Variants in SUMF1 observed in about 807,000 individuals in gnomAD.
SUMF1 encodes sulfatase modifying factor 1, also known as formylglycine-generating enzyme.
SUMF1 carries 48 observed loss-of-function variants against 47.6 expected under a neutral mutation model. That is an observed-to-expected ratio of 1.01 (90% CI 0.80 to 1.28). SUMF1 has a LOEUF of 1.28. Among genes scored for constraint, SUMF1 ranks in the 50% most tolerant of loss-of-function variants. The pLI is 0.00. For missense variants in SUMF1, 571 were observed against 485.4 expected (o/e 1.18, Z -1.66); for synonymous variants, 230 against 192.1 (o/e 1.20, Z -1.63).
At chr3:4,376,212 G>GCCCAC in intron 8 of SUMF1, 118 bp downstream of exon 8, 1 of 1,236,902 alleles carries the variant, frequency 8.1e-7, no homozygotes, top group Admixed American at 1.7e-5. Flanking sequence ...TCTGGTTTCA[G>GCCCAC]TGGGGTTAGG....
chr3:4,442,422 A>T (rs1315830298), intron 3 of SUMF1, among the ~76,000 whole-genome samples: 1 of 148,906 alleles, frequency 6.7e-6, no homozygotes, highest in Admixed American at 6.7e-5. Context: ...CGCCCGGCTA[A>T]TTTTTTTTTT....
At chr3:4,375,381 G>A (rs1397667388) in intron 8 of SUMF1, among the ~76,000 whole-genome samples, 2 of 152,064 alleles carry the variant, frequency 1.3e-5, no homozygotes, top group African/African-American at 4.8e-5. Flanking sequence ...ATCACCTGGA[G>A]AGCTTTAAAA....
At chr3:4,269,402 A>G (rs1257600913) in intron 8 of SUMF1, among the ~76,000 whole-genome samples, 1 of 152,242 alleles carries the variant, frequency 6.6e-6, no homozygotes, top group Non-Finnish European at 1.5e-5. Flanking sequence ...CAAACTTACC[A>G]AAGGCCTATA....
chr3:4,071,719 C>T (rs1370967367), intron 8 of SUMF1, among the ~76,000 whole-genome samples: 1 of 152,216 alleles, frequency 6.6e-6, no homozygotes, highest in Non-Finnish European at 1.5e-5. Flanking sequence ...CCCACCACAG[C>T]TCAGCAAGGC....
At chr3:4,386,447 G>C (rs1700676091) in intron 7 of SUMF1, among the ~76,000 whole-genome samples, 1 of 152,024 alleles carries the variant, frequency 6.6e-6, no homozygotes, top group African/African-American at 2.4e-5. Flanking sequence ...TGTTCATCTT[G>C]TGTCTTATAA....
intron 8 of SUMF1, among the ~76,000 whole-genome samples, chr3:4,294,948 C>G (rs976257341): frequency 6.6e-6 from 1 of 152,138 alleles, no homozygotes; most frequent in Admixed American, 6.5e-5. Flanking sequence ...CCGTCTGCAG[C>G]GACGCTGACT....
At chr3:4,103,207 G>C (rs1407372572) in intron 8 of SUMF1, among the ~76,000 whole-genome samples, 1 of 151,404 alleles carries the variant, frequency 6.6e-6, no homozygotes, top group Admixed American at 6.6e-5. Flanking sequence ...ATAGGCATGA[G>C]CCACTGTGCC....
In SUMF1 at chr3:4,430,348, C is replaced by G. The variant is rs74905525; in HGVS notation, c.520-10202G>C. Among the ~76,000 whole-genome samples the G allele has an allele frequency of 1.9e-3, 290 of 152,240 alleles. 1 individual carries two copies. Among genetic ancestry groups the G allele is most frequent in the African/African-American group, 6.6e-3 (276 of 41,534 alleles). ...CGGGACAGATAGTAGGCACTTGAGCCAAGTGGCTAATTCTGGGTGCCAATT... is the reference window on the plus strand; with the variant it reads ...CGGGACAGATAGTAGGCACTTGAGCGAAGTGGCTAATTCTGGGTGCCAATT... On this transcript the variant is annotated intron_variant, in intron 3 of 8. Coordinates refer to ENST00000272902, the MANE Select transcript of SUMF1 (RefSeq NM_182760.4).
At chr3:4,067,628 G>T (rs548293803) in intron 9 of SUMF1, among the ~76,000 whole-genome samples, 1 of 152,178 alleles carries the variant, frequency 6.6e-6, no homozygotes, top group East Asian at 1.9e-4. Flanking sequence ...TCATCCACCT[G>T]GTTATGGAGA....
At chr3:4,202,489 T>C (rs114392659) in intron 8 of SUMF1, among the ~76,000 whole-genome samples, 3,498 of 152,202 alleles carry the variant, frequency 0.023, 142 homozygotes, top group African/African-American at 0.079. Context: ...GCCAGTACTA[T>C]GTTGTTCTGA....
chr3:4,373,503 AGC>A (rs1301188963), intron 8 of SUMF1, among the ~76,000 whole-genome samples: 2 of 152,000 alleles, frequency 1.3e-5, no homozygotes, highest in African/African-American at 4.8e-5. Flanking sequence ...CTGTAGTCCC[AGC>A]CACTCAGGAG....
intron 8 of SUMF1, among the ~76,000 whole-genome samples, chr3:4,069,828 C>T (rs1695475883): frequency 6.6e-6 from 1 of 152,110 alleles, no homozygotes; most frequent in Non-Finnish European, 1.5e-5. Flanking sequence ...ATTTTCTTGC[C>T]ACACTTTGAA....
At chr3:4,182,849 A>T (rs1695124752) in intron 8 of SUMF1, among the ~76,000 whole-genome samples, 1 of 152,152 alleles carries the variant, frequency 6.6e-6, no homozygotes, top group Non-Finnish European at 1.5e-5. Context: ...CAATAATCCT[A>T]GAGGTAAATT....
intron 8 of SUMF1, chr3:4,312,921 AC>A (rs1431968213): frequency 1.4e-5 from 22 of 1,612,988 alleles, no homozygotes; most frequent in Non-Finnish European, 1.9e-5. Context: ...ATGTAGTTGG[AC>A]CTGGAGCAGA....
chr3:4,371,691 T>C (rs1298907646), intron 8 of SUMF1, among the ~76,000 whole-genome samples: 1 of 152,232 alleles, frequency 6.6e-6, no homozygotes, highest in African/African-American at 2.4e-5. Flanking sequence ...TGAGTATTTC[T>C]TGAGTACTTA....
chr3:4,089,231 T>C (rs1264678606), intron 8 of SUMF1, among the ~76,000 whole-genome samples: 1 of 152,150 alleles, frequency 6.6e-6, no homozygotes, highest in Non-Finnish European at 1.5e-5. Flanking sequence ...CTTGAATCAG[T>C]TCTATTTTGT....
At chr3:4,386,689 T>C (rs576300398) in intron 7 of SUMF1, among the ~76,000 whole-genome samples, 2 of 152,176 alleles carry the variant, frequency 1.3e-5, no homozygotes, top group East Asian at 3.9e-4. Context: ...CCAATATTAG[T>C]GGGAAAGCAC....
chr3:4,069,071 C>T (rs143867341), intron 8 of SUMF1, among the ~76,000 whole-genome samples: 1 of 152,142 alleles, frequency 6.6e-6, no homozygotes, highest in Admixed American at 6.5e-5. Flanking sequence ...AACAGCAAGG[C>T]CTCAGCAGGG....
chr3:4,193,467 A>T (rs1372922074), intron 8 of SUMF1, among the ~76,000 whole-genome samples: 1 of 152,128 alleles, frequency 6.6e-6, no homozygotes, highest in African/African-American at 2.4e-5. Flanking sequence ...GGACACCCGA[A>T]TTTGTGGCTG....
Sources: gnomAD v4.1 joint callset for allele counts (sites outside exome capture counted in the v4.1 genomes callset) on GRCh38, gnomAD v4.1.1 for gene constraint, MANE v1.5 for transcripts, NCBI Gene and HGNC (gene_info 2026-07-23, HGNC 2026-07-21) for gene names.